Variants in SLC9A5 observed in about 807,000 individuals in gnomAD.
SLC9A5 encodes sodium/hydrogen exchanger 5.
A neutral mutation model predicts 91.7 loss-of-function variants in SLC9A5; 52 were observed. The ratio of observed to expected loss-of-function variants is 0.57; its 90% confidence interval spans 0.45 to 0.71. SLC9A5 has a LOEUF of 0.71. SLC9A5 is among the 30% of genes least tolerant of loss of function. The pLI, the probability that SLC9A5 is intolerant of heterozygous loss-of-function variation, is 0.00. For synonymous variants in SLC9A5, 419 were observed against 474.5 expected (o/e 0.88, Z 1.52); for missense variants, 871 against 1,158.9 (o/e 0.75, Z 3.61).
chr16:67,256,946 CG>C lies in SLC9A5; in HGVS notation c.1170del (p.Leu391Ter), dbSNP rs770560732. The C allele has an allele frequency of 1.2e-6, 2 of 1,614,140 alleles. No individual in the cohort carries two copies. The highest frequency in any genetic ancestry group is 1.7e-6 in the Non-Finnish European group (2 of 1,180,036). The stretch of plus-strand genomic sequence containing the variant: ...GCAGACCTGGGTGCTGAATCAGTTC[CG>C]GCTAGTCCCTCTGGACAAGATTGAC... ...VLQTWVLNQFRLVPLDKIDQV... is the reference protein window; with the variant it reads ...VLQTWVLNQFXLVPLDKIDQV... On this transcript the variant is annotated frameshift_variant, in exon 7 of 16. Coordinates refer to ENST00000299798, the MANE Select transcript of SLC9A5 (RefSeq NM_004594.3). LOFTEE classifies it high-confidence loss of function. The surrounding 1 kb of genome is among the most constrained non-coding windows in gnomAD (Gnocchi z 4.1).
Position 67,270,722 on chromosome 16 carries a change from T to TACTC in SLC9A5, c.2219-15_2219-12dup. 2.6e-6 allele frequency: 4 copies of TACTC among 1,541,742 alleles called. No individual in the cohort carries two copies. In the South Asian group the frequency reaches 3.5e-5, roughly 14 times the overall value. On this transcript the variant is annotated splice_polypyrimidine_tract_variant and intron_variant, in intron 15 of 15. Transcript: ENST00000299798. The surrounding 1 kb of genome is among the most constrained non-coding windows in gnomAD (Gnocchi z 4.3). ...ACTGTATTGGTAATGAGTTCATGTG[T>TACTC]ACTCTCTGTCCCCAGGAAGCCTTGA...
Position 67,266,182 on chromosome 16 carries a change from G to T in SLC9A5, c.2175G>T (p.Val725=), listed in dbSNP as rs746318829. 2 of 1,609,206 alleles carry T rather than the reference G, an allele frequency of 1.2e-6. No homozygotes were observed. Among genetic ancestry groups the T allele is most frequent in the East Asian group, 4.5e-5 (2 of 44,256 alleles). Residue 725 remains valine, a synonymous_variant, in exon 15 of 16, where the codon GTG becomes GTT. Coordinates refer to ENST00000299798, the MANE Select transcript of SLC9A5 (RefSeq NM_004594.3). ...EKEDDEGIIF[V]ARATSEVLQE... ...AGGACGATGAGGGGATCATCTTTGT[G>T]GCTCGTGCCACCAGTGAGGTTCTCC...
rs888489110 is a variant in SLC9A5, at chr16:67,256,815, G to A, written c.1133-96G>A. 4.3e-6 allele frequency: 6 copies of A among 1,396,064 alleles called. No homozygotes were observed. Among genetic ancestry groups the A allele is most frequent in the Non-Finnish European group, 6.0e-6 (6 of 993,926 alleles). 86.5% of individuals were successfully genotyped at this position (1,396,064 alleles called of 1,614,324 possible). ...CTCCTCTTGTTGCTCACCTGTCCCA[G>A]CCCCTGTTAGACCTCAGCCCAGATA... On this transcript the variant is annotated intron_variant, in intron 6 of 15. Transcript: ENST00000299798. This position sits in a 1 kb window ranked among gnomAD's most constrained non-coding sequence, Gnocchi z 4.1.
rs1433196541 is a variant in SLC9A5 at position 67,271,376 on chromosome 16, A to G, written c.*166A>G. 10 of 636,126 alleles carry G rather than the reference A, an allele frequency of 1.6e-5. No homozygotes were observed. The highest frequency in any genetic ancestry group is 8.5e-4 in the Middle Eastern group (2 of 2,362). The allele number at this position is 636,126 out of a possible 1,614,324, so 39.4% of individuals were successfully genotyped here. A position where few individuals can be genotyped will look rare whatever the true frequency, so the allele number is the denominator to read the frequency against. On this transcript the variant is annotated 3_prime_UTR_variant, in exon 16 of 16. Coordinates refer to ENST00000299798, the MANE Select transcript of SLC9A5 (RefSeq NM_004594.3). ...AGGGGTCACCTAAGCTGGTCCTCAC[A>G]GGGGCCTTTCTCACCACCTCCCTGC...
chr16:67,267,078 G>GTT (rs2035740813), intron 15 of SLC9A5, among the ~76,000 whole-genome samples: 1 of 93,610 alleles, frequency 1.1e-5, no homozygotes, highest in Non-Finnish European at 2.1e-5. Flanking sequence ...ACACCCAGCT[G>GTT]TTGTTTTTTT....
At chr16:67,268,710 A>ATATTTT (rs1555500934) in intron 15 of SLC9A5, among the ~76,000 whole-genome samples, 38 of 89,742 alleles carry the variant, frequency 4.2e-4, no homozygotes, top group Non-Finnish European at 7.0e-4. Flanking sequence ...ATATATATAT[A>ATATTTT]TTTTTACAGT....
At chr16:67,268,711 T>TATATA (rs55635044) in intron 15 of SLC9A5, among the ~76,000 whole-genome samples, 2 of 97,550 alleles carry the variant, frequency 2.1e-5, no homozygotes, top group African/African-American at 4.8e-5. Flanking sequence ...TATATATATA[T>TATATA]TTTTACAGTA....
Position 67,249,054 on chromosome 16 carries a change from G to A in SLC9A5, c.40G>A (p.Ala14Thr). Reference protein sequence around the residue: ...AALSLLALPLAGAAEEPTQKP... With the variant: ...AALSLLALPLTGAAEEPTQKP... ...CCTGTCCCTGCTCGCGCTGCCCCTGGCGGGGGCGGCCGAAGAGCCCACCCA... is the reference window on the plus strand; with the variant it reads ...CCTGTCCCTGCTCGCGCTGCCCCTGACGGGGGCGGCCGAAGAGCCCACCCA... Residue 14 changes from alanine to threonine, a missense_variant, in exon 1 of 16, where the codon GCG (alanine) becomes ACG (threonine). By Grantham distance (58) the Ala-to-Thr change is moderately conservative. Transcript: ENST00000299798. The A allele has an allele frequency of 6.6e-7, 1 of 1,507,674 alleles. No individual in the cohort carries two copies. The highest frequency in any genetic ancestry group is 8.8e-7 in the Non-Finnish European group (1 of 1,134,620). 93.4% of individuals were successfully genotyped at this position (1,507,674 alleles called of 1,614,324 possible).
chr16:67,252,450 A>AT lies in SLC9A5; in HGVS notation c.188-92_188-91insT. 1 of 599,108 alleles carries AT rather than the reference A, an allele frequency of 1.7e-6. No individual in the cohort carries two copies. The highest frequency in any genetic ancestry group is 2.2e-5 in the African/African-American group (1 of 46,278). 37.1% of individuals were successfully genotyped at this position (599,108 alleles called of 1,614,324 possible). A position where few individuals can be genotyped will look rare whatever the true frequency, so the allele number is the denominator to read the frequency against. On this transcript the variant is annotated intron_variant, in intron 1 of 15. Transcript: ENST00000299798. This position sits in a 1 kb window ranked among gnomAD's most constrained non-coding sequence, Gnocchi z 4.0. ...GGGCAACAGAGTGAGACTTCATCTCAAAAAAAAAAAAACAAAACTGGGAGT... is the reference window on the plus strand; with the variant it reads ...GGGCAACAGAGTGAGACTTCATCTCATAAAAAAAAAAAACAAAACTGGGAGT...
rs187598529 is a variant in SLC9A5, at chr16:67,261,817, A to G, written c.1842+1871A>G. 5.8e-4 allele frequency: 88 copies of G among 152,900 alleles called. 1 individual carries two copies. The highest frequency in any genetic ancestry group is 2.7e-3 in the South Asian group (13 of 4,870). 9.5% of individuals were successfully genotyped at this position (152,900 alleles called of 1,614,324 possible). On this transcript the variant is annotated intron_variant, in intron 12 of 15. Transcript: ENST00000299798. The stretch of plus-strand genomic sequence containing the variant: ...TGTTTAACATGTTCCTCCGTTCCCT[A>G]TATTTCCTGGTTGTTAAATCTAGAG...
At position 67,271,009 on chromosome 16, in the gene SLC9A5, C is replaced by A. The variant is rs1442936718; in HGVS notation, c.2490C>A (p.His830Gln). Reference sequence around the variant, plus strand: ...CTGAAGAGCCCCAGGTCCCTCTCCACCTACCTTCTGATCCACGCTCTAGCT... The same window carrying A: ...CTGAAGAGCCCCAGGTCCCTCTCCAACTACCTTCTGATCCACGCTCTAGCT... ...RGTEEPQVPL[H>Q]LPSDPRSSFA... Residue 830 changes from histidine (H) to glutamine (Q), a missense_variant, in exon 16 of 16, where the codon CAC becomes CAA. By Grantham distance (24) the His-to-Gln change is conservative. Around this residue, in one of 3 missense-constraint regions of SLC9A5, gnomAD observed 295 missense variants for 326.0 expected, o/e 0.90. Coordinates refer to ENST00000299798, the MANE Select transcript of SLC9A5 (RefSeq NM_004594.3). 1.2e-6 allele frequency: 2 copies of A among 1,613,786 alleles called. No homozygotes were observed. Among genetic ancestry groups the A allele is most frequent in the African/African-American group, 2.7e-5 (2 of 74,908 alleles).
rs751900134 is a variant in SLC9A5 at position 67,270,985 on chromosome 16, T to C, written c.2466T>C (p.Thr822=). 1.2e-6 allele frequency: 2 copies of C among 1,614,056 alleles called. No homozygotes were observed. The highest frequency in any genetic ancestry group is 2.2e-5 in the South Asian group (2 of 91,058). Residue 822 remains threonine (T), a synonymous_variant, in exon 16 of 16, where the codon ACT becomes ACC. Transcript: ENST00000299798. The surrounding 1 kb of genome is among the most constrained non-coding windows in gnomAD (Gnocchi z 4.3). ...LTCLPPHPRG[T]EEPQVPLHLP... is the part of the protein sequence containing the mutation. ...GCCTGCCTCCCCATCCACGGGGCAC[T>C]GAAGAGCCCCAGGTCCCTCTCCACC...
In SLC9A5 at chr16:67,270,809, TG is replaced by T. The variant is rs1383735132; in HGVS notation, c.2292del (p.Trp764Ter). ...SPTCAEKELP[W>X]KSGQGDLAVY... is the part of the protein sequence containing the mutation. ...AACCTGTGCAGAAAAGGAGCTCCCC[TG>T]GAAGAGTGGGCAGGGGGACCTGGCA... On this transcript the variant is annotated frameshift_variant, in exon 16 of 16. Transcript: ENST00000299798. LOFTEE classifies it high-confidence loss of function. This position sits in a 1 kb window ranked among gnomAD's most constrained non-coding sequence, Gnocchi z 4.3. The T allele has an allele frequency of 6.2e-7, 1 of 1,613,980 alleles. No homozygotes were observed. Among genetic ancestry groups the T allele is most frequent in the Non-Finnish European group, 8.5e-7 (1 of 1,179,952 alleles).
rs1240375673 is a variant in SLC9A5, at chr16:67,264,543, T to C, written c.2013+21T>C. ...GGAAGGCATGTCTTCCCTCAGGGACTCCTCTTGGGAGCTGGAGGCTGACAG... is the reference window on the plus strand; with the variant it reads ...GGAAGGCATGTCTTCCCTCAGGGACCCCTCTTGGGAGCTGGAGGCTGACAG... On this transcript the variant is annotated intron_variant, in intron 13 of 15. Coordinates refer to ENST00000299798, the MANE Select transcript of SLC9A5 (RefSeq NM_004594.3). The C allele has an allele frequency of 2.5e-6, 4 of 1,612,504 alleles. No individual in the cohort carries two copies. The African/African-American group carries it at 5.3e-5, about 22-fold the overall frequency.
chr16:67,270,777 C>G lies in SLC9A5; in HGVS notation c.2258C>G (p.Pro753Arg), dbSNP rs1299849932. The G allele has an allele frequency of 8.1e-6, 13 of 1,612,960 alleles. No individual in the cohort carries two copies. Among genetic ancestry groups the G allele is most frequent in the Admixed American group, 3.3e-5 (2 of 59,912 alleles). ...TGCCCAAGCCCACGAATCATTCCCC[C>G]CTCCCCAACCTGTGCAGAAAAGGAG... is the stretch of plus-strand genomic sequence containing the variant. ...EVCPSPRIIPPSPTCAEKELP... is the reference protein window; with the variant it reads ...EVCPSPRIIPRSPTCAEKELP... The change falls in exon 16 of 16, where the codon CCC (proline) becomes CGC (arginine). Residue 753 changes from proline (P) to arginine (R), a missense_variant. Physicochemically the swap from Pro to Arg is moderately radical, Grantham distance 103. Coordinates refer to ENST00000299798, the MANE Select transcript of SLC9A5 (RefSeq NM_004594.3). This position sits in a 1 kb window ranked among gnomAD's most constrained non-coding sequence, Gnocchi z 4.3.
rs538228082 is a variant in SLC9A5, at chr16:67,252,403, T to C, written c.188-139T>C. ...AGGTGAAGGTTGCAGTGAGCTGAGATTGTGCTACTGCACTCCAGCTTGGGC... is the reference window on the plus strand; with the variant it reads ...AGGTGAAGGTTGCAGTGAGCTGAGACTGTGCTACTGCACTCCAGCTTGGGC... On this transcript the variant is annotated intron_variant, in intron 1 of 15. Transcript: ENST00000299798. This position sits in a 1 kb window ranked among gnomAD's most constrained non-coding sequence, Gnocchi z 4.0. 14 of 730,928 alleles carry C rather than the reference T, an allele frequency of 1.9e-5. No homozygotes were observed. The African/African-American group carries it at 2.3e-4, about 12-fold the overall frequency. The allele number at this position is 730,928 out of a possible 1,614,324, so 45.3% of individuals were successfully genotyped here.
chr16:67,255,238 C>T lies in SLC9A5; in HGVS notation c.654+54C>T. 1.9e-6 allele frequency: 3 copies of T among 1,587,626 alleles called. No homozygotes were observed. The highest frequency in any genetic ancestry group is 2.6e-6 in the Non-Finnish European group (3 of 1,162,512). On this transcript the variant is annotated intron_variant, in intron 3 of 15. Transcript: ENST00000299798. The surrounding 1 kb of genome is among the most constrained non-coding windows in gnomAD (Gnocchi z 4.9). ...CTGACCCCAGGCTGCATGCTCTGACCAACTAGGGGTCTGCGCAGACTCAGT... is the reference window on the plus strand; with the variant it reads ...CTGACCCCAGGCTGCATGCTCTGACTAACTAGGGGTCTGCGCAGACTCAGT...
Position 67,257,567 on chromosome 16 carries a change from G to T in SLC9A5, c.1462G>T (p.Val488Leu). Residue 488 changes from valine to leucine, a missense_variant, in exon 9 of 16, where the codon GTG becomes TTG. Val to Leu is a conservative substitution (Grantham distance 32). This residue lies in a region of SLC9A5 where 454 missense variants were observed against 718.3 expected (regional missense o/e 0.63). Transcript: ENST00000299798. This position sits in a 1 kb window ranked among gnomAD's most constrained non-coding sequence, Gnocchi z 5.1. ...DHILAAVEDV[V>L]GHHGYHYWRD... Reference sequence around the variant, plus strand: ...CATTCTGGCTGCAGTGGAGGACGTTGTGGGGCACCATGGCTACCACTACTG... The same window carrying T: ...CATTCTGGCTGCAGTGGAGGACGTTTTGGGGCACCATGGCTACCACTACTG... 8 of 1,614,106 alleles carry T rather than the reference G, an allele frequency of 5.0e-6. No homozygotes were observed. The highest frequency in any genetic ancestry group is 6.8e-6 in the Non-Finnish European group (8 of 1,180,026).
Position 67,259,073 on chromosome 16 carries a change from A to T in SLC9A5, c.1627-500A>T, listed in dbSNP as rs1320622746. Among the ~76,000 whole-genome samples the T allele has an allele frequency of 3.9e-5, 6 of 152,140 alleles. No individual in the cohort carries two copies. The South Asian group carries it at 6.2e-4, about 16-fold the overall frequency. ...CAGGAGTTCGAAACCGGCCTGGCCAACATAGTGAAACCCCGTCTCTACTAA... is the reference window on the plus strand; with the variant it reads ...CAGGAGTTCGAAACCGGCCTGGCCATCATAGTGAAACCCCGTCTCTACTAA... On this transcript the variant is annotated intron_variant, in intron 10 of 15. Coordinates refer to ENST00000299798, the MANE Select transcript of SLC9A5 (RefSeq NM_004594.3).
Sources: allele counts gnomAD v4.1 joint callset (sites outside exome capture counted in the v4.1 genomes callset), GRCh38; gene constraint gnomAD v4.1.1; regional missense constraint gnomAD v4.1.1; non-coding constraint Gnocchi (gnomAD v3.1); transcripts MANE v1.5; gene names NCBI Gene and HGNC (gene_info 2026-07-23, HGNC 2026-07-21).